SRPK2: variants seen among roughly 807,000 people sequenced by gnomAD.
The protein encoded by SRPK2 is SRSF protein kinase 2, also known as SFRS protein kinase 2.
In SRPK2, 21 loss-of-function variants were observed where a neutral mutation model predicts 90.8. The ratio of observed to expected loss-of-function variants is 0.23; its 90% CI spans 0.16 to 0.33. SRPK2 has a LOEUF of 0.33. Among genes scored for constraint, SRPK2 ranks in the 10% least tolerant of loss-of-function variants. The probability of loss-of-function intolerance (pLI) is 1.00; values close to 1 mark genes in which losing one functional copy is unlikely to be tolerated. For synonymous variants in SRPK2, 288 were observed against 311.1 expected, an observed-to-expected ratio of 0.93 and a Z score of 0.78; for missense variants, 620 against 869.0, an observed-to-expected ratio of 0.71 and a Z score of 3.60.
chr7:105,193,621 G>A (rs966351815), intron 3 of SRPK2, among the ~76,000 whole-genome samples: 8 of 152,108 alleles, frequency 5.3e-5, no homozygotes, highest in African/African-American at 1.4e-4. Flanking sequence ...GACTGCTTTC[G>A]GCAGTATGGT....
chr7:105,170,158 C>A (rs1434950802), intron 3 of SRPK2, among the ~76,000 whole-genome samples: 1 of 152,118 alleles, frequency 6.6e-6, no homozygotes, highest in African/African-American at 2.4e-5. Context: ...ATGCACATAC[C>A]AGCTCTTGGT....
intron 3 of SRPK2, among the ~76,000 whole-genome samples, chr7:105,188,429 T>C (rs1027342334): frequency 6.6e-6 from 1 of 152,184 alleles, no homozygotes; most frequent in Middle Eastern, 3.2e-3. Context: ...CAAAATTATG[T>C]GAATATACTG....
chr7:105,263,260 T>G (rs989988317), intron 2 of SRPK2, among the ~76,000 whole-genome samples: 1 of 151,758 alleles, frequency 6.6e-6, no homozygotes, highest in Admixed American at 6.6e-5. Flanking sequence ...GAGGCAGAGG[T>G]TGCAGTGAGC....
chr7:105,334,967 G>T (rs1166023766), intron 2 of SRPK2, among the ~76,000 whole-genome samples: 1 of 149,918 alleles, frequency 6.7e-6, no homozygotes, highest in Admixed American at 6.7e-5. Context: ...TCAGGAGTTC[G>T]ATATCAGTCT....
intron 2 of SRPK2, among the ~76,000 whole-genome samples, chr7:105,274,949 G>T (rs529884009): frequency 2.0e-5 from 3 of 151,524 alleles, no homozygotes; most frequent in African/African-American, 7.3e-5. Flanking sequence ...GCTGGATGGC[G>T]CAATCTCGGC....
At chr7:105,372,814 C>T (rs1819849234) in intron 2 of SRPK2, among the ~76,000 whole-genome samples, 1 of 152,150 alleles carries the variant, frequency 6.6e-6, no homozygotes, top group Non-Finnish European at 1.5e-5. Flanking sequence ...TACGACTGGG[C>T]ATGGTGGCTC....
At chr7:105,309,890 T>A (rs972609768) in intron 2 of SRPK2, among the ~76,000 whole-genome samples, 1 of 152,150 alleles carries the variant, frequency 6.6e-6, no homozygotes, top group African/African-American at 2.4e-5. Flanking sequence ...AAGTCTCAGT[T>A]TATGTCCCTG....
intron 7 of SRPK2, among the ~76,000 whole-genome samples, chr7:105,158,330 C>A (rs908532004): frequency 2.6e-5 from 4 of 151,744 alleles, no homozygotes; most frequent in Admixed American, 6.6e-5. Context: ...TCTCAGCTCA[C>A]TGCAACCTCC....
chr7:105,216,069 CAAAAAAA>C (rs767351592), intron 2 of SRPK2, among the ~76,000 whole-genome samples: 2 of 60,166 alleles, frequency 3.3e-5, no homozygotes, highest in African/African-American at 1.0e-4. Context: ...CCCATCTCTA[CAAAAAAA>C]AAAAAAAAAA....
At chr7:105,323,452 G>A (rs1813169183) in intron 2 of SRPK2, among the ~76,000 whole-genome samples, 1 of 152,128 alleles carries the variant, frequency 6.6e-6, no homozygotes, top group African/African-American at 2.4e-5. Context: ...CTACAAAGGA[G>A]AACCACATAG....
intron 2 of SRPK2, among the ~76,000 whole-genome samples, chr7:105,291,009 C>T (rs1374081302): frequency 7.4e-6 from 1 of 136,036 alleles, no homozygotes; most frequent in Non-Finnish European, 1.5e-5. Flanking sequence ...CTGCAGTCCG[C>T]AGTCCGGCCT....
chr7:105,299,160 T>C (rs1225524008), intron 2 of SRPK2, among the ~76,000 whole-genome samples: 1 of 152,228 alleles, frequency 6.6e-6, no homozygotes, highest in East Asian at 1.9e-4. Flanking sequence ...TCCTGTGTTC[T>C]GCATGGCCTG....
intron 11 of SRPK2, 113 bp from the exon 12 acceptor site, chr7:105,133,217 T>G: frequency 1.1e-6 from 1 of 934,396 alleles, no homozygotes; most frequent in East Asian, 2.5e-5. Context: ...GAATGATCAC[T>G]TAGGCCTGGA....
At chr7:105,294,625 C>T (rs1303622668) in intron 2 of SRPK2, among the ~76,000 whole-genome samples, 1 of 152,088 alleles carries the variant, frequency 6.6e-6, no homozygotes, top group Non-Finnish European at 1.5e-5. Flanking sequence ...CTCCCAGGTT[C>T]GAGCAATTCT....
At chr7:105,285,506 G>T (rs181676499) in intron 2 of SRPK2, among the ~76,000 whole-genome samples, 43 of 152,118 alleles carry the variant, frequency 2.8e-4, no homozygotes, top group Non-Finnish European at 5.7e-4. Context: ...AATTATATGT[G>T]GTTTAGATAT....
intron 2 of SRPK2, among the ~76,000 whole-genome samples, chr7:105,328,036 A>G (rs553845079): frequency 1.5e-4 from 23 of 152,304 alleles, no homozygotes; most frequent in Non-Finnish European, 1.0e-4. Context: ...TTGGCCTCCC[A>G]AAGTGCTGGG....
intron 10 of SRPK2, 152 bp downstream of exon 10, chr7:105,142,932 G>C (rs1363410055): frequency 9.9e-7 from 1 of 1,009,158 alleles, no homozygotes; most frequent in Non-Finnish European, 1.4e-6. Context: ...TGAAGTACGA[G>C]GCTATTTCCC....
intron 1 of SRPK2, among the ~76,000 whole-genome samples, chr7:105,397,594 C>G (rs1822366686): frequency 6.6e-6 from 1 of 151,852 alleles, no homozygotes; most frequent in Admixed American, 6.6e-5. Flanking sequence ...TCCCAAAGTG[C>G]TGGGATTACA....
intron 2 of SRPK2, among the ~76,000 whole-genome samples, chr7:105,341,092 G>A (rs982489527): frequency 6.6e-6 from 1 of 152,174 alleles, no homozygotes; most frequent in Non-Finnish European, 1.5e-5. Flanking sequence ...TAGGCCCGGT[G>A]CAGTGGCTCA....
Sources: gnomAD v4.1 joint callset for allele counts (sites outside exome capture counted in the v4.1 genomes callset) on GRCh38, gnomAD v4.1.1 for gene constraint, MANE v1.5 for transcripts, NCBI Gene and HGNC (gene_info 2026-07-23, HGNC 2026-07-21) for gene names.